The following SAMD12 variants were observed in gnomAD, a reference collection of about 807,000 sequenced individuals.
SAMD12 encodes the protein sterile alpha motif domain containing 12.
Under a neutral mutation model 15.0 loss-of-function variants are expected in SAMD12, and 9 were observed. The observed-to-expected ratio is 0.60, with a 90% CI of 0.36 to 1.05. The LOEUF (loss-of-function observed/expected upper bound fraction) is 1.05, where lower values mean the gene tolerates loss of function less well. Ranked by LOEUF, SAMD12 falls within the 50% of genes least tolerant of loss-of-function variation. The pLI is 0.01. For missense variants in SAMD12, 230 were observed against 234.2 expected (o/e 0.98, Z 0.12); for synonymous variants, 86 against 90.1 (o/e 0.96, Z 0.25).
At chr8:118,324,122 CT>C (rs1335417280) in intron 4 of SAMD12, among the ~76,000 whole-genome samples, 2 of 152,102 alleles carry the variant, frequency 1.3e-5, no homozygotes, top group Non-Finnish European at 2.9e-5. Flanking sequence ...ATAGTTATGT[CT>C]GTTTCTTCTT....
intron 4 of SAMD12, among the ~76,000 whole-genome samples, chr8:118,205,761 C>T (rs1819844859): frequency 6.6e-6 from 1 of 152,058 alleles, no homozygotes. Context: ...TGCTGCCTGG[C>T]TTTGCAGTCC....
intron 2 of SAMD12, among the ~76,000 whole-genome samples, chr8:118,552,456 G>C (rs372105265): frequency 1.3e-5 from 2 of 152,080 alleles, no homozygotes; most frequent in East Asian, 1.9e-4. Flanking sequence ...ATGCAGAAAA[G>C]GCCTTTGACA....
chr8:118,366,894 T>TAAAATAAAATAAA (rs1818826838), intron 4 of SAMD12, among the ~76,000 whole-genome samples: 1 of 89,652 alleles, frequency 1.1e-5, no homozygotes, highest in African/African-American at 4.7e-5. Context: ...TAAAATAAAA[T>TAAAATAAAATAAA]AAAATAAAAT....
chr8:118,159,377 A>T, the SAMD12 span, among the ~76,000 whole-genome samples: 2 of 152,168 alleles, frequency 1.3e-5, no homozygotes, highest in African/African-American at 2.4e-5. Flanking sequence ...GGCTGTGCAC[A>T]GTGGCCGGAC....
chr8:118,379,724 G>T, intron 3 of SAMD12, 24 bp from the exon 4 acceptor site: 3 of 1,602,884 alleles, frequency 1.9e-6, no homozygotes, highest in Non-Finnish European at 1.7e-6. Context: ...AGAAATAAAA[G>T]GAAAAGCAAA....
intron 2 of SAMD12, among the ~76,000 whole-genome samples, chr8:118,574,898 C>T (rs1827109588): frequency 6.6e-6 from 1 of 152,174 alleles, no homozygotes; most frequent in South Asian, 2.1e-4. Flanking sequence ...ATACAGATAG[C>T]CAAGAATTAG....
intron 2 of SAMD12, among the ~76,000 whole-genome samples, chr8:118,567,333 C>A (rs373778741): frequency 3.9e-5 from 6 of 151,916 alleles, no homozygotes; most frequent in Admixed American, 1.3e-4. Flanking sequence ...GATAAAAAAA[C>A]GCAAGCTTTG....
chr8:118,552,822 C>A (rs1170448270), intron 2 of SAMD12, among the ~76,000 whole-genome samples: 3 of 152,104 alleles, frequency 2.0e-5, no homozygotes, highest in African/African-American at 7.2e-5. Flanking sequence ...TGATAAGCAA[C>A]TTCAGCAAAG....
downstream of SAMD12, among the ~76,000 whole-genome samples, chr8:118,376,053 G>C (rs34084306): frequency 1.3e-5 from 2 of 152,040 alleles, no homozygotes; most frequent in African/African-American, 4.8e-5. Flanking sequence ...CAATGCCTGG[G>C]TGTACCATTA....
intron 4 of SAMD12, among the ~76,000 whole-genome samples, chr8:118,239,052 A>C (rs1157852985): frequency 6.6e-6 from 1 of 152,152 alleles, no homozygotes; most frequent in Non-Finnish European, 1.5e-5. Flanking sequence ...TCTCATTGTC[A>C]TACACTGAGA....
intron 2 of SAMD12, among the ~76,000 whole-genome samples, chr8:118,558,643 C>G (rs944200957): frequency 1.3e-5 from 2 of 152,232 alleles, no homozygotes; most frequent in Admixed American, 6.5e-5. Context: ...ACGGCAAGCT[C>G]CACCTCCCAG....
chr8:118,136,438 G>T, the SAMD12 span, among the ~76,000 whole-genome samples: 1 of 152,188 alleles, frequency 6.6e-6, no homozygotes, highest in East Asian at 1.9e-4. Flanking sequence ...ACTTAAGAAG[G>T]CTTAACTTTA....
chr8:118,426,368 A>G (rs970619980), intron 3 of SAMD12, among the ~76,000 whole-genome samples: 1 of 152,132 alleles, frequency 6.6e-6, no homozygotes, highest in Non-Finnish European at 1.5e-5. Context: ...AACAGCTTGC[A>G]AGATTGTTGA....
intron 4 of SAMD12, among the ~76,000 whole-genome samples, chr8:118,266,997 C>CA (rs1432256130): frequency 2.0e-5 from 3 of 151,976 alleles, no homozygotes; most frequent in Admixed American, 6.6e-5. Context: ...ATTCTCGCCA[C>CA]AAAAAATGGT....
chr8:118,594,173 A>G (rs983790763), intron 1 of SAMD12, among the ~76,000 whole-genome samples: 1 of 151,998 alleles, frequency 6.6e-6, no homozygotes, highest in African/African-American at 2.4e-5. Flanking sequence ...GTGGCTCCCA[A>G]ATGTCTTCCT....
exon 5 of SAMD12, chr8:118,192,382 A>G (rs1346916994): frequency 6.6e-6 from 1 of 152,158 alleles, no homozygotes; most frequent in African/African-American, 2.4e-5. Flanking sequence ...GACTGAATTT[A>G]AAAAGGTTAT....
chr8:118,388,903 AAAAG>A (rs1423932294), intron 3 of SAMD12, among the ~76,000 whole-genome samples: 1 of 152,152 alleles, frequency 6.6e-6, no homozygotes, highest in African/African-American at 2.4e-5. Flanking sequence ...GTCAGAGAAA[AAAAG>A]AGAGAGAAAG....
At chr8:118,488,233 T>G (rs1824342450) in intron 2 of SAMD12, among the ~76,000 whole-genome samples, 1 of 152,180 alleles carries the variant, frequency 6.6e-6, no homozygotes, top group Non-Finnish European at 1.5e-5. Flanking sequence ...TACCATTTTT[T>G]TTTCAAATGA....
intron 2 of SAMD12, among the ~76,000 whole-genome samples, chr8:118,517,809 C>G (rs925591251): frequency 6.6e-5 from 10 of 152,198 alleles, no homozygotes; most frequent in Non-Finnish European, 2.9e-5. Context: ...GGTTGCAACT[C>G]AGCCACCTCT....
Sources: allele counts gnomAD v4.1 joint callset (sites outside exome capture counted in the v4.1 genomes callset), GRCh38; gene constraint gnomAD v4.1.1; transcripts MANE v1.5; gene names NCBI Gene and HGNC (gene_info 2026-07-23, HGNC 2026-07-21).